Variants in REDIC1 observed in about 807,000 individuals in gnomAD.
REDIC1 encodes the protein HEI10 Interacting Protein 1.
At chr12:39,711,425 GTGTATA>G in the REDIC1 span, among the ~76,000 whole-genome samples, 110 of 117,128 alleles carry the variant, frequency 9.4e-4, 1 homozygote, top group Non-Finnish European at 5.8e-4. Context: ...ATGTACTTAT[GTGTATA>G]TGTATATGTG....
chr12:39,744,711 A>G, the REDIC1 span, among the ~76,000 whole-genome samples: 64 of 152,336 alleles, frequency 4.2e-4, no homozygotes, highest in East Asian at 0.011. Flanking sequence ...ATAAATAAAT[A>G]TAACACTAGG....
At chr12:39,683,378 TA>T in the REDIC1 span, 11 of 1,456,114 alleles carry the variant, frequency 7.6e-6, no homozygotes, top group African/African-American at 1.4e-5. Flanking sequence ...TAGACTATGC[TA>T]AATTTTTAAC....
the REDIC1 span, among the ~76,000 whole-genome samples, chr12:39,627,053 T>C: frequency 6.6e-6 from 1 of 152,186 alleles, no homozygotes; most frequent in Non-Finnish European, 1.5e-5. Context: ...ATGAGAAGAA[T>C]TGTTTTGATT....
chr12:39,842,229 A>G, the REDIC1 span, among the ~76,000 whole-genome samples: 1 of 152,116 alleles, frequency 6.6e-6, no homozygotes, highest in Non-Finnish European at 1.5e-5. Context: ...AGACCAGATT[A>G]GAAATACAGA....
the REDIC1 span, among the ~76,000 whole-genome samples, chr12:39,885,317 G>A: frequency 6.6e-6 from 1 of 152,148 alleles, no homozygotes; most frequent in Non-Finnish European, 1.5e-5. Context: ...GAGTGGGCTT[G>A]TAGAAAAACA....
At chr12:39,731,003 C>G in the REDIC1 span, among the ~76,000 whole-genome samples, 3 of 152,052 alleles carry the variant, frequency 2.0e-5, no homozygotes, top group East Asian at 1.9e-4. Flanking sequence ...TCAGCTCCAT[C>G]AGGTCATTTA....
At chr12:39,785,377 A>G in the REDIC1 span, among the ~76,000 whole-genome samples, 1 of 152,210 alleles carries the variant, frequency 6.6e-6, no homozygotes, top group Admixed American at 6.5e-5. Context: ...TGTGGCGTTG[A>G]GCCTGTGGGT....
the REDIC1 span, among the ~76,000 whole-genome samples, chr12:39,760,768 C>A: frequency 6.6e-6 from 1 of 152,018 alleles, no homozygotes; most frequent in African/African-American, 2.4e-5. Context: ...CATGTCAATG[C>A]AGAACAGCCA....
chr12:39,798,468 C>A, the REDIC1 span, among the ~76,000 whole-genome samples: 1 of 152,144 alleles, frequency 6.6e-6, no homozygotes, highest in Non-Finnish European at 1.5e-5. Flanking sequence ...AAAGGAGATA[C>A]CTTAATGAAC....
the REDIC1 span, among the ~76,000 whole-genome samples, chr12:39,670,254 C>T: frequency 1.3e-5 from 2 of 152,074 alleles, no homozygotes; most frequent in African/African-American, 4.8e-5. Flanking sequence ...GTAATGGTGG[C>T]ATCTCAGCTC....
chr12:39,882,121 T>C, the REDIC1 span, among the ~76,000 whole-genome samples: 1 of 152,180 alleles, frequency 6.6e-6, no homozygotes, highest in Non-Finnish European at 1.5e-5. Flanking sequence ...TTATCCATCA[T>C]CACTCATTCC....
chr12:39,904,724 G>C, the REDIC1 span, among the ~76,000 whole-genome samples: 1 of 152,204 alleles, frequency 6.6e-6, no homozygotes, highest in South Asian at 2.1e-4. Flanking sequence ...AAGTAAACTA[G>C]ACTACAAGCC....
At chr12:39,682,981 C>A in the REDIC1 span, 1 of 1,613,230 alleles carries the variant, frequency 6.2e-7, no homozygotes. Flanking sequence ...TTTTACAGTT[C>A]CAGAGTTGAC....
the REDIC1 span, among the ~76,000 whole-genome samples, chr12:39,811,185 A>C: frequency 6.6e-6 from 1 of 152,078 alleles, no homozygotes; most frequent in Non-Finnish European, 1.5e-5. Context: ...AATAATAGAA[A>C]GTTGGGTCTC....
the REDIC1 span, among the ~76,000 whole-genome samples, chr12:39,850,154 T>G: frequency 2.0e-5 from 3 of 152,110 alleles, no homozygotes; most frequent in Admixed American, 6.6e-5. Context: ...CCTTCCACAA[T>G]AATAAAGGAG....
the REDIC1 span, among the ~76,000 whole-genome samples, chr12:39,702,998 G>T: frequency 2.6e-5 from 4 of 152,278 alleles, no homozygotes; most frequent in Non-Finnish European, 5.9e-5. Context: ...GCAAAAACTG[G>T]AAGCATTCCC....
chr12:39,809,869 G>C, the REDIC1 span, among the ~76,000 whole-genome samples: 1 of 152,070 alleles, frequency 6.6e-6, no homozygotes, highest in Non-Finnish European at 1.5e-5. Flanking sequence ...AGTATTCCAT[G>C]GTGTATATAT....
chr12:39,905,435 T>C, the REDIC1 span, among the ~76,000 whole-genome samples: 1 of 152,102 alleles, frequency 6.6e-6, no homozygotes, highest in Non-Finnish European at 1.5e-5. Context: ...AAAACTAAAC[T>C]CCAGGCTGAA....
the REDIC1 span, among the ~76,000 whole-genome samples, chr12:39,676,092 C>G: frequency 6.6e-6 from 1 of 151,850 alleles, no homozygotes; most frequent in African/African-American, 2.4e-5. Context: ...TGGATCCAAA[C>G]CAAGAAGAAA....
Sources: gnomAD v4.1 joint callset for allele counts (sites outside exome capture counted in the v4.1 genomes callset) on GRCh38, gnomAD v4.1.1 for gene constraint, MANE v1.5 for transcripts, NCBI Gene and HGNC (gene_info 2026-07-23, HGNC 2026-07-21) for gene names.